The following TNR variants were observed in gnomAD, a reference collection of about 807,000 sequenced individuals.
The protein encoded by TNR is tenascin R.
A neutral mutation model predicts 150.4 loss-of-function variants in TNR; 45 were observed. That is an observed-to-expected ratio of 0.30 (90% confidence interval 0.24 to 0.38). The LOEUF is 0.38. TNR is among the 10% of genes least tolerant of loss of function. The pLI, the probability that TNR is intolerant of heterozygous loss-of-function variation, is 1.00. For synonymous variants in TNR, 687 were observed against 678.4 expected (o/e 1.01, Z -0.20); for missense variants, 1,544 against 1,759.1 (o/e 0.88, Z 2.19).
At chr1:175,575,428 G>A (rs975322376) in intron 1 of TNR, among the ~76,000 whole-genome samples, 11 of 152,202 alleles carry the variant, frequency 7.2e-5, no homozygotes, top group Admixed American at 2.6e-4. Context: ...GCTAGGCACC[G>A]TGGTTGGATA....
intron 3 of TNR, among the ~76,000 whole-genome samples, chr1:175,405,618 AGTGT>A (rs60670165): frequency 0.19 from 29,178 of 150,094 alleles, 2,932 homozygotes; most frequent in South Asian, 0.27. Context: ...TGTGTGTGAG[AGTGT>A]GTGTGTGTGT....
intron 1 of TNR, among the ~76,000 whole-genome samples, chr1:175,639,060 T>C (rs1664571761): frequency 6.6e-6 from 1 of 152,208 alleles, no homozygotes; most frequent in Non-Finnish European, 1.5e-5. Context: ...CCTCCACTTC[T>C]ATGGCACGCA....
At chr1:175,362,380 T>C (rs1436052596) in intron 14 of TNR, among the ~76,000 whole-genome samples, 1 of 152,214 alleles carries the variant, frequency 6.6e-6, no homozygotes, top group Non-Finnish European at 1.5e-5. Context: ...TGTTTTAGAA[T>C]TCACTTCCAT....
At chr1:175,535,452 TGTTG>T (rs1660239459) in intron 1 of TNR, among the ~76,000 whole-genome samples, 2 of 118,062 alleles carry the variant, frequency 1.7e-5, no homozygotes, top group African/African-American at 5.6e-5. Flanking sequence ...TATTTTTTGT[TGTTG>T]TTGTTGTTGT....
intron 1 of TNR, among the ~76,000 whole-genome samples, chr1:175,595,240 A>C (rs1240188583): frequency 6.6e-6 from 1 of 152,230 alleles, no homozygotes; most frequent in Non-Finnish European, 1.5e-5. Flanking sequence ...AGCTATTGGT[A>C]GAGAATGCAT....
chr1:175,513,227 C>T lies in TNR; in HGVS notation c.-64+15042G>A, dbSNP rs182862967. Among the ~76,000 whole-genome samples the T allele has an allele frequency of 1.6e-3, 249 of 152,232 alleles. 1 individual carries two copies. Among genetic ancestry groups the T allele is most frequent in the Non-Finnish European group, 2.1e-3 (146 of 68,038 alleles). On this transcript the variant is annotated intron_variant, in intron 2 of 22. Transcript: ENST00000367674. ...CTTCCCCACTACACTGTGCTGTAGG[C>T]GTTATTTATTGGGGGAAATGTTGAT...
chr1:175,446,564 T>TA (rs1238925288), intron 2 of TNR, among the ~76,000 whole-genome samples: 17 of 152,340 alleles, frequency 1.1e-4, no homozygotes, highest in African/African-American at 4.1e-4. Context: ...CATCGACAGA[T>TA]ATGTACAAAC....
intron 1 of TNR, among the ~76,000 whole-genome samples, chr1:175,571,412 G>A (rs182104381): frequency 2.0e-5 from 3 of 152,150 alleles, no homozygotes; most frequent in East Asian, 1.9e-4. Context: ...ATAGATGTAC[G>A]TGTTATTACT....
intron 1 of TNR, among the ~76,000 whole-genome samples, chr1:175,608,202 T>A (rs182971132): frequency 6.6e-6 from 1 of 152,350 alleles, no homozygotes; most frequent in Non-Finnish European, 1.5e-5. Flanking sequence ...ATACACATTC[T>A]ATGGAAATTT....
chr1:175,399,661 C>T (rs1240005034), intron 4 of TNR, among the ~76,000 whole-genome samples: 1 of 152,142 alleles, frequency 6.6e-6, no homozygotes, highest in Admixed American at 6.5e-5. Context: ...ATCAAAGAGC[C>T]TCATGCCTTA....
intron 1 of TNR, among the ~76,000 whole-genome samples, chr1:175,690,633 C>T (rs553421780): frequency 6.0e-4 from 91 of 152,300 alleles, no homozygotes; most frequent in African/African-American, 2.1e-3. Flanking sequence ...AGGACTGGAT[C>T]CTCTTGGCTT....
chr1:175,542,132 C>T (rs1039059106), intron 1 of TNR, among the ~76,000 whole-genome samples: 5 of 152,144 alleles, frequency 3.3e-5, no homozygotes, highest in Non-Finnish European at 5.9e-5. Flanking sequence ...ACGAACCTTC[C>T]TCATTTGCAT....
Position 175,393,881 on chromosome 1 carries a change from G to T in TNR, c.1255C>A (p.Gln419Lys). The T allele has an allele frequency of 6.2e-7, 1 of 1,613,736 alleles. No individual in the cohort carries two copies. The highest frequency in any genetic ancestry group is 8.5e-7 in the Non-Finnish European group (1 of 1,179,608). Residue 419 changes from glutamine to lysine, a missense_variant, in exon 6 of 23, where the codon CAA (glutamine) becomes AAA (lysine). Transcript: ENST00000367674. Reference sequence around the variant, plus strand: ...GTGATCGTCTTAAATTGTAGCCCTTGAGGAGTGGAGAGATCTGGAACACAG... The same window carrying T: ...GTGATCGTCTTAAATTGTAGCCCTTTAGGAGTGGAGAGATCTGGAACACAG... Reference protein sequence around the residue: ...AKVATHLSTPQGLQFKTITET... With the variant: ...AKVATHLSTPKGLQFKTITET...
intron 1 of TNR, among the ~76,000 whole-genome samples, chr1:175,607,805 CTT>C (rs1199419566): frequency 6.6e-6 from 1 of 152,236 alleles, no homozygotes; most frequent in Non-Finnish European, 1.5e-5. Flanking sequence ...TATTCAGTCT[CTT>C]TGCATCTCAG....
chr1:175,316,393 G>A lies in TNR; in HGVS notation c.*6964C>T, dbSNP rs1289691323. 1 of 152,236 alleles carries A rather than the reference G, an allele frequency of 6.6e-6. No individual in the cohort carries two copies. The highest frequency in any genetic ancestry group is 6.5e-5 in the Admixed American group (1 of 15,290). The allele number at this position is 152,236 out of a possible 1,614,324, so 9.4% of individuals were successfully genotyped here. ...TACTCCCGCAGGGGACTGTGAAGGT[G>A]TTTGTACCCCTGGGAGTCTGGAAGG... On this transcript the variant is annotated 3_prime_UTR_variant, in exon 23 of 23. Transcript: ENST00000367674.
At chr1:175,467,885 CA>C (rs1657101329) in intron 2 of TNR, among the ~76,000 whole-genome samples, 1 of 152,150 alleles carries the variant, frequency 6.6e-6, no homozygotes, top group Non-Finnish European at 1.5e-5. Context: ...TCCCATAATG[CA>C]AATGCTAGTG....
At chr1:175,656,012 C>T (rs913055706) in intron 1 of TNR, among the ~76,000 whole-genome samples, 3 of 152,102 alleles carry the variant, frequency 2.0e-5, no homozygotes, top group Non-Finnish European at 4.4e-5. Context: ...CTCTGTTCAC[C>T]AAGCTATGTG....
intron 2 of TNR, among the ~76,000 whole-genome samples, chr1:175,480,244 C>T (rs950418421): frequency 6.7e-6 from 1 of 148,712 alleles, no homozygotes; most frequent in Non-Finnish European, 1.5e-5. Context: ...GAAGGCAGCA[C>T]CAACAAGTGG....
chr1:175,384,877 G>A lies in TNR; in HGVS notation c.1777+1155C>T, dbSNP rs116223786. Among the ~76,000 whole-genome samples, 338 of 152,308 alleles carry A rather than the reference G, an allele frequency of 2.2e-3. 2 individuals carry two copies. Among genetic ancestry groups the A allele is most frequent in the African/African-American group, 7.7e-3 (321 of 41,572 alleles). ...CTAGGGGACATTTTGGTGTCCATCT[G>A]TTTCACTTTTTCCCTTATTTATCAA... is the stretch of plus-strand genomic sequence containing the variant. On this transcript the variant is annotated intron_variant, in intron 8 of 22. Transcript: ENST00000367674.
Sources: allele counts gnomAD v4.1 joint callset (sites outside exome capture counted in the v4.1 genomes callset), GRCh38; gene constraint gnomAD v4.1.1; transcripts MANE v1.5; gene names NCBI Gene and HGNC (gene_info 2026-07-23, HGNC 2026-07-21).